COLEC11: variants seen among roughly 807,000 people sequenced by gnomAD.
COLEC11 encodes collectin subfamily member 11.
In COLEC11, 20 loss-of-function variants were observed where a neutral mutation model predicts 27.3. The ratio of observed to expected loss-of-function variants is 0.73; its 90% CI spans 0.51 to 1.06. The LOEUF is 1.06. Ranked by LOEUF, COLEC11 falls within the 50% of genes least tolerant of loss-of-function variation. The probability of loss-of-function intolerance (pLI) is 0.00; values close to 1 mark genes in which losing one functional copy is unlikely to be tolerated. For synonymous variants in COLEC11, 163 were observed against 154.7 expected, an observed-to-expected ratio of 1.05 and a Z score of -0.40; for missense variants, 310 against 383.0, an observed-to-expected ratio of 0.81 and a Z score of 1.59.
intron 2 of COLEC11, among the ~76,000 whole-genome samples, chr2:3,607,181 T>C (rs762279878): frequency 8.5e-5 from 13 of 152,120 alleles, no homozygotes; most frequent in Non-Finnish European, 1.6e-4. Flanking sequence ...CGCTGACTGC[T>C]GGTGGTGCTT....
intron 1 of COLEC11, among the ~76,000 whole-genome samples, chr2:3,601,574 G>A (rs532763228): frequency 8.1e-4 from 124 of 152,300 alleles, no homozygotes; most frequent in African/African-American, 2.5e-3. Flanking sequence ...GATTACAGGC[G>A]TGAGCCACTG....
intron 3 of COLEC11, among the ~76,000 whole-genome samples, chr2:3,622,387 T>C (rs1198741219): frequency 2.0e-5 from 3 of 152,254 alleles, no homozygotes; most frequent in East Asian, 3.9e-4. Flanking sequence ...AATATCTTTG[T>C]CTTTTAACCT....
chr2:3,600,586 G>C (rs754603177), intron 1 of COLEC11, among the ~76,000 whole-genome samples: 4 of 152,194 alleles, frequency 2.6e-5, no homozygotes, highest in African/African-American at 9.6e-5. Context: ...AACGCATAAT[G>C]TGTAGGAATC....
intron 4 of COLEC11, among the ~76,000 whole-genome samples, chr2:3,639,284 G>T (rs895532299): frequency 6.6e-6 from 1 of 152,252 alleles, no homozygotes; most frequent in Non-Finnish European, 1.5e-5. Flanking sequence ...ACATGGGGAT[G>T]TGTATACTTT....
chr2:3,602,896 C>T lies in COLEC11; in HGVS notation c.-26-1419C>T, dbSNP rs1662338592. Among the ~76,000 whole-genome samples, 1 of 152,238 alleles carries T rather than the reference C, an allele frequency of 6.6e-6. No individual in the cohort carries two copies. Among genetic ancestry groups the T allele is most frequent in the African/African-American group, 2.4e-5 (1 of 41,472 alleles). ...CCACTGGACTCTGCCTCACTCTTCC[C>T]CACGGCGCTTACCCCTGCCTCTGTC... On this transcript the variant is annotated intron_variant, in intron 1 of 6. Transcript: ENST00000349077. The surrounding 1 kb of genome is among the most constrained non-coding windows in gnomAD (Gnocchi z 6.2).
At chr2:3,618,104 A>G (rs1361404400) in intron 3 of COLEC11, among the ~76,000 whole-genome samples, 3 of 152,152 alleles carry the variant, frequency 2.0e-5, no homozygotes, top group Non-Finnish European at 4.4e-5. Context: ...CTCTTATCAG[A>G]TATATGGTTT....
At chr2:3,596,163 G>A (rs1319944368) in intron 1 of COLEC11, among the ~76,000 whole-genome samples, 3 of 152,100 alleles carry the variant, frequency 2.0e-5, no homozygotes, top group Non-Finnish European at 4.4e-5. Context: ...GAAACACCGC[G>A]GTGGGGCTGG....
At chr2:3,632,060 T>C (rs980704172) in intron 3 of COLEC11, among the ~76,000 whole-genome samples, 1 of 152,198 alleles carries the variant, frequency 6.6e-6, no homozygotes, top group African/African-American at 2.4e-5. Flanking sequence ...GCCATCAGTG[T>C]GCGCTCGCGC....
At chr2:3,598,991 G>A (rs1662044428) in intron 1 of COLEC11, among the ~76,000 whole-genome samples, 1 of 152,146 alleles carries the variant, frequency 6.6e-6, no homozygotes, top group Non-Finnish European at 1.5e-5. Context: ...CTTACATCGT[G>A]ACTGAAGGAG....
rs749229386 is a variant in COLEC11 at position 3,644,307 on chromosome 2, G to T, written c.*189G>T. On this transcript the variant is annotated 3_prime_UTR_variant, in exon 7 of 7. Transcript: ENST00000349077. ...AGAGGAAAATGAAAGTGTTCCTGGG[G>T]TGCTGTCTCTGAAGAAGCAGAGTTT... 17 of 753,154 alleles carry T rather than the reference G, an allele frequency of 2.3e-5. No individual in the cohort carries two copies. Among genetic ancestry groups the T allele is most frequent in the Non-Finnish European group, 3.9e-5 (17 of 434,478 alleles). 46.7% of individuals were successfully genotyped at this position (753,154 alleles called of 1,614,324 possible).
intron 2 of COLEC11, chr2:3,606,036 A>G: frequency 6.5e-7 from 1 of 1,538,886 alleles, no homozygotes; most frequent in Non-Finnish European, 8.8e-7. Flanking sequence ...AAACTGTTGG[A>G]TGCCTACGGC....
intron 3 of COLEC11, among the ~76,000 whole-genome samples, chr2:3,619,210 C>T (rs116660884): frequency 0.023 from 3,490 of 151,190 alleles, 135 homozygotes; most frequent in African/African-American, 0.078. Flanking sequence ...TTCTTTCTCT[C>T]TTTCCTTTTC....
chr2:3,641,044 TGGACACCCACCCACCATGTAGACCCCAC>T (rs1665823206), intron 5 of COLEC11, among the ~76,000 whole-genome samples: 3 of 75,532 alleles, frequency 4.0e-5, no homozygotes, highest in South Asian at 1.6e-3. Context: ...GACCCCACGG[TGGACACCCACCCACCATGTAGACCCCAC>T]GGTGGACACC....
chr2:3,639,004 A>G (rs11123568), intron 4 of COLEC11, among the ~76,000 whole-genome samples: 25,115 of 152,012 alleles, frequency 0.17, 6,376 homozygotes, highest in African/African-American at 0.55. Context: ...CCTCCAATCT[A>G]CTTCCTGTCT....
At chr2:3,613,746 C>G (rs758300815) in intron 3 of COLEC11, among the ~76,000 whole-genome samples, 52 of 152,200 alleles carry the variant, frequency 3.4e-4, no homozygotes, top group Non-Finnish European at 5.9e-4. Flanking sequence ...CAGATAGGAC[C>G]CTCATCACTT....
At chr2:3,641,243 C>G in intron 5 of COLEC11, 8 of 1,304,354 alleles carry the variant, frequency 6.1e-6, no homozygotes, top group Non-Finnish European at 8.1e-6. Flanking sequence ...TTAAAAGCTC[C>G]TTCGGCACCG....
At chr2:3,601,006 C>T (rs534870675) in intron 1 of COLEC11, among the ~76,000 whole-genome samples, 1 of 152,312 alleles carries the variant, frequency 6.6e-6, no homozygotes, top group South Asian at 2.1e-4. Context: ...TCGGGAGCCC[C>T]CACTTTCCTC....
At chr2:3,618,173 T>C (rs1663919880) in intron 3 of COLEC11, among the ~76,000 whole-genome samples, 3 of 152,264 alleles carry the variant, frequency 2.0e-5, no homozygotes, top group Middle Eastern at 3.2e-3. Flanking sequence ...CTTTCTTTGC[T>C]ATGCAGAAAC....
At position 3,602,441 on chromosome 2, in the gene COLEC11, TTC is replaced by T. The variant is rs1173440689; in HGVS notation, c.-26-1868_-26-1867del. On this transcript the variant is annotated intron_variant, in intron 1 of 6. Coordinates refer to ENST00000349077, the MANE Select transcript of COLEC11 (RefSeq NM_024027.5). This position sits in a 1 kb window ranked among gnomAD's most constrained non-coding sequence, Gnocchi z 6.2. ...CAGAACAAAAGCTTTAATCTTTGAT[TTC>T]TCTCTGTCATTTCCCACATAACTGA... 6.6e-6 allele frequency among the ~76,000 whole-genome samples: 1 copy of T among 152,070 alleles called. No homozygotes were observed. Among genetic ancestry groups the T allele is most frequent in the Non-Finnish European group, 1.5e-5 (1 of 68,034 alleles).
Sources: gnomAD v4.1 joint callset for allele counts (sites outside exome capture counted in the v4.1 genomes callset) on GRCh38, gnomAD v4.1.1 for gene constraint, Gnocchi (gnomAD v3.1) non-coding constraint, MANE v1.5 for transcripts, NCBI Gene and HGNC (gene_info 2026-07-23, HGNC 2026-07-21) for gene names.